Variants in ARHGAP32 observed in about 807,000 individuals in gnomAD.
ARHGAP32 encodes Rho GTPase activating protein 32.
In ARHGAP32, 51 loss-of-function variants were observed where a neutral mutation model predicts 186.5. The observed-to-expected ratio is 0.27, with a 90% CI of 0.22 to 0.35. ARHGAP32 has a LOEUF of 0.35. ARHGAP32 is among the 10% of genes least tolerant of loss of function. The pLI, the probability that ARHGAP32 is intolerant of heterozygous loss-of-function variation, is 1.00. For synonymous variants in ARHGAP32, 950 were observed against 964.3 expected, an observed-to-expected ratio of 0.99 and a Z score of 0.27; for missense variants, 2,186 against 2,623.5, an observed-to-expected ratio of 0.83 and a Z score of 3.64.
intron 1 of ARHGAP32, among the ~76,000 whole-genome samples, chr11:129,233,504 GA>G (rs1306935381): frequency 1.3e-5 from 2 of 152,006 alleles, no homozygotes; most frequent in African/African-American, 4.8e-5. Flanking sequence ...TACCAATGCT[GA>G]AATGGCACAC....
chr11:129,047,289 T>C (rs1052085950), intron 10 of ARHGAP32, among the ~76,000 whole-genome samples: 2 of 152,208 alleles, frequency 1.3e-5, no homozygotes, highest in African/African-American at 4.8e-5. Context: ...TTGGAATTAT[T>C]TGGCCTCAGA....
chr11:129,164,282 A>C (rs868670153), intron 2 of ARHGAP32, 37 bp downstream of exon 2: 1 of 1,192,282 alleles, frequency 8.4e-7, no homozygotes, highest in Non-Finnish European at 1.2e-6. Flanking sequence ...ATATACATAT[A>C]TATGTATATA....
At chr11:129,236,304 A>G (rs1310435331) in intron 1 of ARHGAP32, among the ~76,000 whole-genome samples, 2 of 152,002 alleles carry the variant, frequency 1.3e-5, no homozygotes, top group African/African-American at 4.8e-5. Flanking sequence ...TTTGATTTGC[A>G]TTTCTCTGAT....
At chr11:129,263,676 G>T in intron 1 of ARHGAP32, among the ~76,000 whole-genome samples, 1 of 131,140 alleles carries the variant, frequency 7.6e-6, no homozygotes, top group Non-Finnish European at 1.7e-5. Context: ...GGAGGAGGAG[G>T]AAGAAAAGAA....
At chr11:129,093,272 T>C (rs372543632) in intron 6 of ARHGAP32, among the ~76,000 whole-genome samples, 10 of 152,182 alleles carry the variant, frequency 6.6e-5, no homozygotes, top group African/African-American at 2.4e-4. Context: ...CTTAAGGGTA[T>C]AGATTAAAGA....
At chr11:129,138,302 AAAAAAAAAAAAAAG>A (rs1221825432) in intron 2 of ARHGAP32, among the ~76,000 whole-genome samples, 1 of 101,522 alleles carries the variant, frequency 9.9e-6, no homozygotes, top group East Asian at 3.0e-4. Flanking sequence ...CTGGTAAAAA[AAAAAAAAAAAAAAG>A]AACAATGCCG....
intron 1 of ARHGAP32, among the ~76,000 whole-genome samples, chr11:129,264,326 T>G (rs1945363802): frequency 6.6e-6 from 1 of 152,236 alleles, no homozygotes; most frequent in Non-Finnish European, 1.5e-5. Flanking sequence ...CACAATAATG[T>G]GAATATATTC....
upstream of ARHGAP32, among the ~76,000 whole-genome samples, chr11:129,193,946 A>C (rs540151339): frequency 3.3e-5 from 5 of 151,070 alleles, no homozygotes; most frequent in Non-Finnish European, 7.4e-5. Context: ...TCAAAAGATA[A>C]ATAGGCAAAG....
chr11:128,981,814 T>A lies in ARHGAP32; in HGVS notation c.1634+15A>T. On this transcript the variant is annotated intron_variant, in intron 16 of 22. Coordinates refer to ENST00000682385, the MANE Select transcript of ARHGAP32 (RefSeq NM_001378024.1). ...GATTAGTTCTACTAAAATTAATAAG[T>A]GAAATGCAAATTACCTTAACAGGTT... is the stretch of plus-strand genomic sequence containing the variant. 1 of 1,560,382 alleles carries A rather than the reference T, an allele frequency of 6.4e-7. No homozygotes were observed. Among genetic ancestry groups the A allele is most frequent in the Non-Finnish European group, 8.8e-7 (1 of 1,136,910 alleles).
rs770485511 is a variant in ARHGAP32, at chr11:129,093,653, C to G, written c.499G>C (p.Glu167Gln). 2.5e-6 allele frequency: 4 copies of G among 1,606,074 alleles called. No individual in the cohort carries two copies. In the African/African-American group the frequency reaches 4.0e-5, roughly 16 times the overall value. Residue 167 changes from glutamate to glutamine, a missense_variant, in exon 6 of 23, where the codon GAG becomes CAG. By Grantham distance (29) the Glu-to-Gln change is conservative. Transcript: ENST00000682385. ...EVMKNGCESK[E>Q]LVYLVQIACQ... is the part of the protein sequence containing the mutation. The stretch of plus-strand genomic sequence containing the variant: ...GCAATCTGCACGAGGTAGACCAGCT[C>G]TTTAGATTCACAGCCATTTTTCATT...
chr11:129,279,525 G>A (rs961252024), upstream of ARHGAP32, among the ~76,000 whole-genome samples: 312 of 144,908 alleles, frequency 2.2e-3, no homozygotes, highest in Non-Finnish European at 3.7e-3. Flanking sequence ...CAGCGCCCCC[G>A]CCCAGCTGGC....
At chr11:129,155,744 T>A (rs987775301) in intron 2 of ARHGAP32, among the ~76,000 whole-genome samples, 5 of 151,216 alleles carry the variant, frequency 3.3e-5, no homozygotes, top group Non-Finnish European at 7.4e-5. Context: ...TGAGAATAGT[T>A]GCTTAAAGAG....
intron 5 of ARHGAP32, among the ~76,000 whole-genome samples, chr11:129,122,100 T>G (rs903130891): frequency 2.0e-5 from 3 of 152,132 alleles, no homozygotes; most frequent in African/African-American, 7.2e-5. Context: ...GAATCTATGT[T>G]TGTGAACTAA....
intron 2 of ARHGAP32, among the ~76,000 whole-genome samples, chr11:129,132,557 TC>T (rs1251947860): frequency 6.6e-6 from 1 of 150,538 alleles, no homozygotes; most frequent in Non-Finnish European, 1.5e-5. Context: ...CCTATAAAAA[TC>T]TAGATGAAAC....
intron 8 of ARHGAP32, among the ~76,000 whole-genome samples, 180 bp from the exon 9 acceptor site, chr11:129,064,204 T>C (rs910781372): frequency 6.6e-6 from 1 of 150,472 alleles, no homozygotes; most frequent in Non-Finnish European, 1.5e-5. Context: ...GCCTATAACA[T>C]ATACAGTTTA....
chr11:129,054,538 T>C (rs896009801), intron 10 of ARHGAP32, among the ~76,000 whole-genome samples: 1 of 152,204 alleles, frequency 6.6e-6, no homozygotes, highest in Non-Finnish European at 1.5e-5. Context: ...ACACTGCACA[T>C]AACAAACAAT....
chr11:129,221,481 G>C (rs1227377735), intron 1 of ARHGAP32, among the ~76,000 whole-genome samples: 5 of 13,508 alleles, frequency 3.7e-4, no homozygotes, highest in Non-Finnish European at 9.1e-4. Context: ...TGTCATTACT[G>C]TGTGTGTGTG....
At chr11:129,077,001 A>T (rs1941063235) in intron 6 of ARHGAP32, among the ~76,000 whole-genome samples, 1 of 152,208 alleles carries the variant, frequency 6.6e-6, no homozygotes, top group Non-Finnish European at 1.5e-5. Context: ...CCGAAAATCC[A>T]GATCATGGAA....
chr11:129,231,543 A>G (rs1944858928), intron 1 of ARHGAP32, among the ~76,000 whole-genome samples: 1 of 152,198 alleles, frequency 6.6e-6, no homozygotes, highest in Non-Finnish European at 1.5e-5. Context: ...TAGTTCTTCA[A>G]TGGATTCTAG....
Sources: gnomAD v4.1 joint callset for allele counts (sites outside exome capture counted in the v4.1 genomes callset) on GRCh38, gnomAD v4.1.1 for gene constraint, MANE v1.5 for transcripts, NCBI Gene and HGNC (gene_info 2026-07-23, HGNC 2026-07-21) for gene names.